Variants in NEK7 observed in about 807,000 individuals in gnomAD.
NEK7 encodes serine/threonine-protein kinase Nek7.
A neutral mutation model predicts 44.6 loss-of-function variants in NEK7; 18 were observed. The observed-to-expected ratio is 0.40, with a 90% CI of 0.28 to 0.60. The LOEUF (loss-of-function observed/expected upper bound fraction) is 0.60, where lower values mean the gene tolerates loss of function less well. Among genes scored for constraint, NEK7 ranks in the 20% least tolerant of loss-of-function variants. NEK7 has a pLI of 0.38. For synonymous variants in NEK7, 130 were observed against 121.1 expected (o/e 1.07, Z -0.48); for missense variants, 256 against 366.5 (o/e 0.70, Z 2.46).
At chr1:198,255,101 A>G (rs905730709) in intron 3 of NEK7, among the ~76,000 whole-genome samples, 9 of 152,168 alleles carry the variant, frequency 5.9e-5, no homozygotes, top group South Asian at 2.1e-4. Context: ...GGAGATGTCA[A>G]TTTGAGCTGT....
chr1:198,282,375 C>G (rs1654230826), intron 7 of NEK7, among the ~76,000 whole-genome samples: 1 of 152,062 alleles, frequency 6.6e-6, no homozygotes, highest in Non-Finnish European at 1.5e-5. Context: ...TAGCTTCCCA[C>G]TCTGATTATT....
At chr1:198,231,226 A>G (rs1293384553) in intron 1 of NEK7, among the ~76,000 whole-genome samples, 2 of 148,606 alleles carry the variant, frequency 1.3e-5, no homozygotes, top group Admixed American at 1.3e-4. Context: ...TGTTAGTGCA[A>G]ATAAATAGCC....
Position 198,312,956 on chromosome 1 carries a change from C to A in NEK7, c.799-6456C>A, listed in dbSNP as rs145045199. On this transcript the variant is annotated intron_variant, in intron 9 of 9. Coordinates refer to ENST00000367385, the MANE Select transcript of NEK7 (RefSeq NM_133494.3). The stretch of plus-strand genomic sequence containing the variant: ...GAGTTCTGTAGATGTCTATTAGGTC[C>A]GCTTGGTGTAGAGCTGAGTTCAATT... Among the ~76,000 whole-genome samples the A allele has an allele frequency of 1.4e-4, 22 of 152,092 alleles. No individual in the cohort carries two copies. The East Asian group carries it at 4.2e-3, about 29-fold the overall frequency.
Position 198,160,010 on chromosome 1 carries a change from C to CTT in NEK7, c.-29+2742_-29+2743dup, listed in dbSNP as rs5779905. On this transcript the variant is annotated intron_variant, in intron 1 of 9. Coordinates refer to ENST00000367385, the MANE Select transcript of NEK7 (RefSeq NM_133494.3). ...GACTTACTGTAAACATTTAAGTATT[C>CTT]TTTTTTTTTCCCCTCAATTATTGCG... 2.0e-5 allele frequency among the ~76,000 whole-genome samples: 3 copies of CTT among 151,652 alleles called. No homozygotes were observed. The East Asian group carries it at 5.8e-4, about 29-fold the overall frequency.
intron 5 of NEK7, among the ~76,000 whole-genome samples, chr1:198,268,699 C>T (rs1653738013): frequency 6.6e-6 from 1 of 152,134 alleles, no homozygotes; most frequent in African/African-American, 2.4e-5. Flanking sequence ...CAAGATTCAG[C>T]AAGCCTTGTG....
chr1:198,192,961 C>T (rs1056872239), intron 1 of NEK7, among the ~76,000 whole-genome samples: 1 of 151,050 alleles, frequency 6.6e-6, no homozygotes, highest in African/African-American at 2.4e-5. Flanking sequence ...TAACCAAGAT[C>T]AGAGCAGACC....
At chr1:198,279,168 T>A in intron 7 of NEK7, 107 bp downstream of exon 7, 1 of 683,428 alleles carries the variant, frequency 1.5e-6, no homozygotes, top group Non-Finnish European at 2.5e-6. Context: ...TAAAACTATT[T>A]TAAAAATCAC....
chr1:198,235,884 G>GA (rs1282673085), intron 2 of NEK7, among the ~76,000 whole-genome samples: 2 of 152,086 alleles, frequency 1.3e-5, no homozygotes, highest in African/African-American at 4.8e-5. Flanking sequence ...TCTGTGGGTA[G>GA]AAAAAACAGA....
chr1:198,277,913 C>A, intron 5 of NEK7, 48 bp from the exon 6 acceptor site: 1 of 1,103,934 alleles, frequency 9.1e-7, no homozygotes, highest in Non-Finnish European at 1.4e-6. Context: ...AGAATCCAGT[C>A]TTGAGAAATT....
chr1:198,262,624 T>C lies in NEK7; in HGVS notation c.248T>C (p.Ile83Thr), dbSNP rs1339204812. 1.3e-6 allele frequency: 2 copies of C among 1,586,410 alleles called. No individual in the cohort carries two copies. The highest frequency in any genetic ancestry group is 2.2e-5 in the South Asian group (2 of 89,456). ...GCACGTGCTGATTGCATCAAAGAAATAGATCTTCTTAAGGTAATTAATGAA... is the reference window on the plus strand; with the variant it reads ...GCACGTGCTGATTGCATCAAAGAAACAGATCTTCTTAAGGTAATTAATGAA... ...AKARADCIKEIDLLKQLNHPN... is the reference protein window; with the variant it reads ...AKARADCIKETDLLKQLNHPN... Residue 83 changes from isoleucine to threonine, a missense_variant, in exon 4 of 10, where the codon ATA (isoleucine) becomes ACA (threonine). Transcript: ENST00000367385.
At position 198,198,495 on chromosome 1, in the gene NEK7, T is replaced by A. The variant is rs151288079; in HGVS notation, c.-28-34058T>A. ...CAGAGAGTTTAAGGTGATCTGGGGT[T>A]TCAAGATTTTCAAGCCTGTCGACCC... is the stretch of plus-strand genomic sequence containing the variant. On this transcript the variant is annotated intron_variant, in intron 1 of 9. Coordinates refer to ENST00000367385, the MANE Select transcript of NEK7 (RefSeq NM_133494.3). 2.7e-3 allele frequency among the ~76,000 whole-genome samples: 410 copies of A among 152,234 alleles called. 2 individuals are homozygous for A. The highest frequency in any genetic ancestry group is 9.3e-3 in the African/African-American group (387 of 41,538).
intron 2 of NEK7, among the ~76,000 whole-genome samples, chr1:198,235,756 T>C (rs1666529725): frequency 6.6e-6 from 1 of 152,146 alleles, no homozygotes; most frequent in Non-Finnish European, 1.5e-5. Flanking sequence ...TTGCGAGTTA[T>C]TAGAAGGAGG....
At chr1:198,308,356 A>T (rs1655075538) in intron 9 of NEK7, among the ~76,000 whole-genome samples, 1 of 152,206 alleles carries the variant, frequency 6.6e-6, no homozygotes, top group South Asian at 2.1e-4. Flanking sequence ...AATTAAACCC[A>T]AAATTCAGGC....
intron 1 of NEK7, among the ~76,000 whole-genome samples, chr1:198,179,502 A>G (rs1321282554): frequency 1.3e-5 from 2 of 152,090 alleles, no homozygotes; most frequent in Admixed American, 1.3e-4. Flanking sequence ...AGGTGGTATA[A>G]TACTCTAAAA....
intron 1 of NEK7, among the ~76,000 whole-genome samples, chr1:198,204,235 G>A (rs186269529): frequency 1.7e-3 from 258 of 152,180 alleles, no homozygotes; most frequent in Middle Eastern, 6.8e-3. Flanking sequence ...ACTCCAGCCC[G>A]TGTGACAGAG....
intron 7 of NEK7, among the ~76,000 whole-genome samples, chr1:198,283,408 C>T (rs989424995): frequency 4.6e-5 from 7 of 152,036 alleles, no homozygotes; most frequent in Non-Finnish European, 1.0e-4. Context: ...CATTGGAACT[C>T]ATTAGCCCAT....
intron 2 of NEK7, among the ~76,000 whole-genome samples, chr1:198,250,020 G>A (rs1171815486): frequency 8.0e-4 from 113 of 141,880 alleles, no homozygotes; most frequent in African/African-American, 3.0e-3. Flanking sequence ...TAGGTCTAAC[G>A]TTTAAGTCTT....
intron 1 of NEK7, among the ~76,000 whole-genome samples, chr1:198,192,842 G>T (rs1665118624): frequency 6.6e-6 from 1 of 151,934 alleles, no homozygotes; most frequent in South Asian, 2.1e-4. Flanking sequence ...AGCAATAAGT[G>T]CCCACATCAA....
chr1:198,261,604 A>G (rs1414895071), intron 3 of NEK7, among the ~76,000 whole-genome samples: 1 of 151,864 alleles, frequency 6.6e-6, no homozygotes, highest in Non-Finnish European at 1.5e-5. Flanking sequence ...AAATGTCATT[A>G]ATTTTTTTAT....
Sources: gnomAD v4.1 joint callset for allele counts (sites outside exome capture counted in the v4.1 genomes callset) on GRCh38, gnomAD v4.1.1 for gene constraint, MANE v1.5 for transcripts, NCBI Gene and HGNC (gene_info 2026-07-23, HGNC 2026-07-21) for gene names.